Variants in VPS8 observed in about 807,000 individuals in gnomAD.
The protein encoded by VPS8 is VPS8 subunit of CORVET complex, also known as vacuolar protein sorting-associated protein 8 homolog.
In VPS8, 129 loss-of-function variants were observed where a neutral mutation model predicts 216.4. The ratio of observed to expected loss-of-function variants is 0.60; its 90% CI spans 0.52 to 0.69. The LOEUF is 0.69. VPS8 is among the 30% of genes least tolerant of loss of function. The pLI, the probability that VPS8 is intolerant of heterozygous loss-of-function variation, is 0.00. For synonymous variants in VPS8, 571 were observed against 565.4 expected, an observed-to-expected ratio of 1.01 and a Z score of -0.14; for missense variants, 1,531 against 1,683.5, an observed-to-expected ratio of 0.91 and a Z score of 1.59.
chr3:184,952,979 T>A (rs1469753683), intron 36 of VPS8, among the ~76,000 whole-genome samples: 1 of 152,210 alleles, frequency 6.6e-6, no homozygotes, highest in African/African-American at 2.4e-5. Flanking sequence ...TGTTTTCTGT[T>A]TACTCCTTAG....
chr3:184,936,337 T>A lies in VPS8; in HGVS notation c.2988+2T>A, dbSNP rs756752537. ...GAAACGGTCATTAAAAAACTTCAGGTACATATTGCAAATATATATTGGGGA... is the reference window on the plus strand; with the variant it reads ...GAAACGGTCATTAAAAAACTTCAGGAACATATTGCAAATATATATTGGGGA... On this transcript the variant is annotated splice_donor_variant, in intron 35 of 47. Transcript: ENST00000625842. LOFTEE classifies it high-confidence loss of function. 4.4e-5 allele frequency: 71 copies of A among 1,604,962 alleles called. No homozygotes were observed. Among genetic ancestry groups the A allele is most frequent in the Non-Finnish European group, 6.0e-5 (70 of 1,175,174 alleles).
rs532113272 is a variant in VPS8, at chr3:184,919,991, A to G, written c.2383-136A>G. 2.4e-5 allele frequency: 15 copies of G among 626,914 alleles called. 1 individual carries two copies. In the South Asian group the frequency reaches 2.6e-4, roughly 11 times the overall value. The allele number at this position is 626,914 out of a possible 1,614,324, so 38.8% of individuals were successfully genotyped here. A position where few individuals can be genotyped will look rare whatever the true frequency, so the allele number is the denominator to read the frequency against. On this transcript the variant is annotated intron_variant, in intron 28 of 47. Coordinates refer to ENST00000625842, the MANE Select transcript of VPS8 (RefSeq NM_001009921.3). The stretch of plus-strand genomic sequence containing the variant: ...CTAAAAATAATGTCACGCAAGGTGT[A>G]TAAGACAAAACCTAATGAGGAATAG...
chr3:184,978,033 G>A (rs138255884), intron 40 of VPS8, among the ~76,000 whole-genome samples: 276 of 151,804 alleles, frequency 1.8e-3, no homozygotes, highest in African/African-American at 6.5e-3. Flanking sequence ...TATATGCCTG[G>A]TAGAATTTGG....
intron 23 of VPS8, among the ~76,000 whole-genome samples, chr3:184,895,272 A>C (rs561107157): frequency 6.6e-6 from 1 of 152,240 alleles, no homozygotes; most frequent in African/African-American, 2.4e-5. Flanking sequence ...TATAATTTTC[A>C]TCGAGCAAGT....
chr3:184,941,192 A>T (rs959862213), intron 36 of VPS8, among the ~76,000 whole-genome samples: 1 of 142,000 alleles, frequency 7.0e-6, no homozygotes, highest in Non-Finnish European at 1.6e-5. Context: ...ATTTTAAAAT[A>T]CCAAAATACC....
intron 28 of VPS8, among the ~76,000 whole-genome samples, chr3:184,918,892 G>A (rs1738100400): frequency 6.6e-6 from 1 of 152,180 alleles, no homozygotes; most frequent in South Asian, 2.1e-4. Flanking sequence ...CCTATCTTCA[G>A]TCAGGGTCAT....
At chr3:184,988,700 G>A (rs1751474062) in intron 42 of VPS8, among the ~76,000 whole-genome samples, 1 of 152,254 alleles carries the variant, frequency 6.6e-6, no homozygotes, top group East Asian at 1.9e-4. Flanking sequence ...TAACTTGCTG[G>A]AATTTTGATT....
At chr3:184,966,410 C>G (rs1479121967) in intron 38 of VPS8, among the ~76,000 whole-genome samples, 1 of 152,084 alleles carries the variant, frequency 6.6e-6, no homozygotes, top group Non-Finnish European at 1.5e-5. Flanking sequence ...GAATTGGATT[C>G]CCTTATCCAA....
intron 35 of VPS8, among the ~76,000 whole-genome samples, chr3:184,938,946 C>T (rs574484386): frequency 1.3e-5 from 2 of 150,974 alleles, no homozygotes; most frequent in East Asian, 3.9e-4. Flanking sequence ...GGGATGATCA[C>T]CTGAACCCAG....
intron 25 of VPS8, among the ~76,000 whole-genome samples, chr3:184,906,599 G>T (rs1406318625): frequency 6.6e-6 from 1 of 152,206 alleles, no homozygotes; most frequent in African/African-American, 2.4e-5. Flanking sequence ...AGGTACAGAT[G>T]CATCCTTTCT....
At chr3:184,833,900 AACATTTATCCTTT>A (rs1288284378) in intron 4 of VPS8, among the ~76,000 whole-genome samples, 1 of 152,232 alleles carries the variant, frequency 6.6e-6, no homozygotes, top group Non-Finnish European at 1.5e-5. Flanking sequence ...TCTCTAATAT[AACATTTATCCTTT>A]AGAGTTACTT....
rs1234739284 is a variant in VPS8 at position 184,870,793 on chromosome 3, G to A, written c.1722G>A (p.Glu574=). Residue 574 remains glutamate, a synonymous_variant, in exon 21 of 48, where the codon GAG becomes GAA. Transcript: ENST00000625842. The part of the protein sequence containing the change: ...CPDQGKIQVM[E]QHFQDMVPVI... ...ACCAAGGAAAAATCCAAGTGATGGA[G>A]CAGCATTTTCAGGTACACATTGCAT... The A allele has an allele frequency of 5.6e-6, 9 of 1,611,158 alleles. No individual in the cohort carries two copies. Among genetic ancestry groups the A allele is most frequent in the Non-Finnish European group, 5.1e-6 (6 of 1,178,580 alleles).
At chr3:184,905,886 A>G (rs942055872) in intron 25 of VPS8, among the ~76,000 whole-genome samples, 4 of 152,090 alleles carry the variant, frequency 2.6e-5, no homozygotes, top group Non-Finnish European at 5.9e-5. Context: ...TAAAAATCAT[A>G]CTTATTTCTT....
At position 184,928,517 on chromosome 3, in the gene VPS8, G is replaced by C. The variant is rs752868233; in HGVS notation, c.2698G>C (p.Ala900Pro). 23 of 1,517,346 alleles carry C rather than the reference G, an allele frequency of 1.5e-5. No homozygotes were observed. Among genetic ancestry groups the C allele is most frequent in the Non-Finnish European group, 1.9e-5 (22 of 1,144,526 alleles). 94.0% of individuals were successfully genotyped at this position (1,517,346 alleles called of 1,614,324 possible). A position where few individuals can be genotyped will look rare whatever the true frequency, so the allele number is the denominator to read the frequency against. ...TGAAGAGAGTCGACTCATCCGGATG[G>C]CAGAAAAAGCTGAGTTGTAAGTTGT... ...QFEESRLIRMAEKAEFYQICE... is the reference protein window; with the variant it reads ...QFEESRLIRMPEKAEFYQICE... Residue 900 changes from alanine to proline, a missense_variant, in exon 32 of 48, where the codon GCA becomes CCA. Around this residue, in one of 3 missense-constraint regions of VPS8, gnomAD observed 1,318 missense variants for 1,468.4 expected, o/e 0.90. Coordinates refer to ENST00000625842, the MANE Select transcript of VPS8 (RefSeq NM_001009921.3).
At chr3:184,884,453 C>G (rs960872908) in intron 21 of VPS8, among the ~76,000 whole-genome samples, 2 of 152,058 alleles carry the variant, frequency 1.3e-5, no homozygotes, top group Non-Finnish European at 2.9e-5. Flanking sequence ...TTTATGTGAA[C>G]CTCTTGGCTC....
chr3:184,822,933 T>A (rs995093717), intron 1 of VPS8, among the ~76,000 whole-genome samples: 1 of 152,320 alleles, frequency 6.6e-6, no homozygotes, highest in Admixed American at 6.5e-5. Context: ...ACCCTATAAA[T>A]AGAAAACCCA....
intron 31 of VPS8, 93 bp downstream of exon 31, chr3:184,926,743 G>A (rs771201833): frequency 2.4e-6 from 3 of 1,248,154 alleles, no homozygotes; most frequent in Non-Finnish European, 2.2e-6. Context: ...ACACATGAGG[G>A]GCAATTACTT....
chr3:184,815,445 C>A (rs977929453), intron 1 of VPS8, among the ~76,000 whole-genome samples: 1 of 152,114 alleles, frequency 6.6e-6, no homozygotes, highest in Non-Finnish European at 1.5e-5. Flanking sequence ...GTTAGGGGAC[C>A]ATGGTTGTAT....
intron 36 of VPS8, 24 bp downstream of exon 36, chr3:184,940,267 T>A: frequency 9.7e-7 from 1 of 1,032,758 alleles, no homozygotes; most frequent in Non-Finnish European, 1.3e-6. Flanking sequence ...CTTTAGTCTT[T>A]CATTATATAT....
Sources: allele counts gnomAD v4.1 joint callset (sites outside exome capture counted in the v4.1 genomes callset), GRCh38; gene constraint gnomAD v4.1.1; regional missense constraint gnomAD v4.1.1; transcripts MANE v1.5; gene names NCBI Gene and HGNC (gene_info 2026-07-23, HGNC 2026-07-21).